The following DCUN1D2 variants were observed in gnomAD, a reference collection of about 807,000 sequenced individuals.
DCUN1D2 encodes defective in cullin neddylation 1 domain containing 2.
In DCUN1D2, 29 loss-of-function variants were observed where a neutral mutation model predicts 30.9. The ratio of observed to expected loss-of-function variants is 0.94; its 90% CI spans 0.70 to 1.28. The LOEUF is 1.28. Ranked by LOEUF, DCUN1D2 falls within the 50% of genes most tolerant of loss-of-function variation. The probability of loss-of-function intolerance (pLI) is 0.00; values close to 1 mark genes in which losing one functional copy is unlikely to be tolerated. For missense variants in DCUN1D2, 325 were observed against 316.9 expected, an observed-to-expected ratio of 1.03 and a Z score of -0.19; for synonymous variants, 121 against 115.3, an observed-to-expected ratio of 1.05 and a Z score of -0.32.
chr13:113,470,486 C>T lies in DCUN1D2; in HGVS notation c.520+3638G>A, dbSNP rs1037319830. Among the ~76,000 whole-genome samples the T allele has an allele frequency of 1.2e-4, 18 of 152,192 alleles. 1 individual carries two copies. The highest frequency in any genetic ancestry group is 1.2e-3 in the Admixed American group (18 of 15,280). ...ACAGATAAAAAGGACTGAGAGAAAG[C>T]AACGCACACTGCCGAAGACTTAACT... On this transcript the variant is annotated intron_variant, in intron 4 of 6. Coordinates refer to ENST00000478244, the MANE Select transcript of DCUN1D2 (RefSeq NM_001014283.2).
chr13:113,469,497 C>G lies in DCUN1D2; in HGVS notation c.520+4627G>C, dbSNP rs760932778. 7.2e-5 allele frequency among the ~76,000 whole-genome samples: 11 copies of G among 151,902 alleles called. No individual in the cohort carries two copies. In the East Asian group the frequency reaches 1.9e-3, roughly 27 times the overall value. On this transcript the variant is annotated intron_variant, in intron 4 of 6. Transcript: ENST00000478244. ...CAGTTTGAGACCAGCCCGGGCAACA[C>G]AGTAAAACTCCGTCCCTCCAAAAAA...
At chr13:113,486,046 T>C (rs2044797122) in intron 1 of DCUN1D2, among the ~76,000 whole-genome samples, 1 of 152,148 alleles carries the variant, frequency 6.6e-6, no homozygotes, top group Admixed American at 6.5e-5. Flanking sequence ...TCTAATATGG[T>C]CAATATTGAT....
upstream of DCUN1D2, chr13:113,490,941 C>T: frequency 4.7e-6 from 1 of 213,494 alleles, no homozygotes; most frequent in African/African-American, 2.3e-5. The surrounding 1 kb of genome is among the most constrained non-coding windows in gnomAD (Gnocchi z 5.2). Context: ...CCCACGCCGG[C>T]CAGGAAGTGC....
At chr13:113,489,210 G>A in intron 1 of DCUN1D2, 1 of 939,958 alleles carries the variant, frequency 1.1e-6, no homozygotes, top group Non-Finnish European at 1.3e-6. Flanking sequence ...CCCTGCTCTT[G>A]GATCTCCAAC....
At chr13:113,487,367 C>T (rs1011690197) in intron 1 of DCUN1D2, among the ~76,000 whole-genome samples, 1 of 152,186 alleles carries the variant, frequency 6.6e-6, no homozygotes, top group African/African-American at 2.4e-5. Context: ...ATCCATATAA[C>T]GGAACATAAT....
chr13:113,483,792 G>A (rs41288602), intron 2 of DCUN1D2, 48 bp downstream of exon 2: 133,451 of 1,579,350 alleles, frequency 0.084, 8,762 homozygotes, highest in Admixed American at 0.34. Flanking sequence ...CGCGCAGGCC[G>A]CTCGCGGAGG....
rs543176570 is a variant in DCUN1D2, at chr13:113,464,745, A to C, written c.521-3609T>G. Among the ~76,000 whole-genome samples the C allele has an allele frequency of 9.2e-5, 14 of 152,380 alleles. No homozygotes were observed. In the East Asian group the frequency reaches 2.7e-3, roughly 29 times the overall value. On this transcript the variant is annotated intron_variant, in intron 4 of 6. Transcript: ENST00000478244. ...GCAGCACGGATGGAAGAGAAAGGCC[A>C]CTCAGCAGAATCTGCCCAAGTTCCT... is the stretch of plus-strand genomic sequence containing the variant.
chr13:113,476,044 T>A (rs375008446), intron 3 of DCUN1D2: 2 of 152,286 alleles, frequency 1.3e-5, no homozygotes, highest in African/African-American at 4.8e-5. Flanking sequence ...TTCCTGTGGG[T>A]ATGCATGGCT....
intron 4 of DCUN1D2, among the ~76,000 whole-genome samples, chr13:113,467,841 C>T (rs1043607558): frequency 9.2e-5 from 14 of 151,668 alleles, no homozygotes; most frequent in East Asian, 3.9e-4. Flanking sequence ...GTCAGGAGTT[C>T]GAGACCAGCC....
rs1244396336 is a variant in DCUN1D2, at chr13:113,488,892, GT to G, written c.3+1774del. On this transcript the variant is annotated intron_variant, in intron 1 of 6. Transcript: ENST00000478244. The surrounding 1 kb of genome is among the most constrained non-coding windows in gnomAD (Gnocchi z 4.3). ...GCATTTTCTAGGTTTCATTATTTCT[GT>G]TAAAATGTACACAATTCTTGAAATA... 5.9e-5 allele frequency among the ~76,000 whole-genome samples: 9 copies of G among 152,136 alleles called. No homozygotes were observed. Among genetic ancestry groups the G allele is most frequent in the Non-Finnish European group, 1.2e-4 (8 of 68,018 alleles).
intron 6 of DCUN1D2, among the ~76,000 whole-genome samples, 199 bp downstream of exon 6, chr13:113,459,113 T>C (rs1231778010): frequency 6.6e-6 from 1 of 152,204 alleles, no homozygotes; most frequent in East Asian, 1.9e-4. Context: ...TGCTTTGGCT[T>C]AGAGGACTGT....
chr13:113,474,724 C>T (rs973597477), intron 3 of DCUN1D2, among the ~76,000 whole-genome samples: 5 of 152,046 alleles, frequency 3.3e-5, no homozygotes, highest in Admixed American at 3.3e-4. Context: ...ATGGCAGAGA[C>T]GAGGTAATGG....
chr13:113,474,425 A>G (rs978805561), intron 3 of DCUN1D2, among the ~76,000 whole-genome samples, 171 bp from the exon 4 acceptor site: 4 of 152,148 alleles, frequency 2.6e-5, no homozygotes, highest in Non-Finnish European at 5.9e-5. Context: ...GTAAGAGAAG[A>G]TGGGGGGGCA....
At chr13:113,466,115 G>A (rs1296317115) in intron 4 of DCUN1D2, among the ~76,000 whole-genome samples, 1 of 152,116 alleles carries the variant, frequency 6.6e-6, no homozygotes, top group Non-Finnish European at 1.5e-5. Context: ...TCGAACTCCT[G>A]ACCTCAAGTG....
At chr13:113,478,190 T>C (rs942311543) in intron 3 of DCUN1D2, among the ~76,000 whole-genome samples, 3 of 152,224 alleles carry the variant, frequency 2.0e-5, no homozygotes, top group Non-Finnish European at 2.9e-5. Flanking sequence ...AGTTGTCTCT[T>C]TGAGAAGATT....
rs575674589 is a variant in DCUN1D2, at chr13:113,469,420, C to T, written c.520+4704G>A. Among the ~76,000 whole-genome samples the T allele has an allele frequency of 9.2e-5, 14 of 152,314 alleles. No homozygotes were observed. In the South Asian group the frequency reaches 2.9e-3, roughly 32 times the overall value. On this transcript the variant is annotated intron_variant, in intron 4 of 6. Transcript: ENST00000478244. ...CTTCAGCTGAAACCATGGCTCACGC[C>T]TGTAATCCCAGCACTTTGGGAGCCT...
intron 3 of DCUN1D2, 68 bp downstream of exon 3, chr13:113,480,507 T>C: frequency 6.4e-7 from 1 of 1,559,242 alleles, no homozygotes; most frequent in South Asian, 1.1e-5. Context: ...TATGTACAGG[T>C]TGCTGAAAAA....
chr13:113,463,044 A>T (rs1345827965), intron 4 of DCUN1D2: 1 of 221,428 alleles, frequency 4.5e-6, no homozygotes, highest in Non-Finnish European at 8.4e-6. Context: ...TTCAATATTT[A>T]TTATTATTTA....
rs14067 is a variant in DCUN1D2, at chr13:113,456,345, A to G, written c.*1684T>C. ...CCTCTGTGACCATCTCTGCTAAGAAACATCGACAGTTCGTCCTGCAGCCTC... is the reference window on the plus strand; with the variant it reads ...CCTCTGTGACCATCTCTGCTAAGAAGCATCGACAGTTCGTCCTGCAGCCTC... On this transcript the variant is annotated 3_prime_UTR_variant, in exon 7 of 7. Transcript: ENST00000478244. 0.39 allele frequency: 156,347 copies of G among 398,552 alleles called. 35,397 individuals carry two copies. The highest frequency in any genetic ancestry group is 0.78 in the African/African-American group (37,760 of 48,692). 24.7% of individuals were successfully genotyped at this position (398,552 alleles called of 1,614,324 possible).
Sources: allele counts gnomAD v4.1 joint callset (sites outside exome capture counted in the v4.1 genomes callset), GRCh38; gene constraint gnomAD v4.1.1; non-coding constraint Gnocchi (gnomAD v3.1); transcripts MANE v1.5; gene names NCBI Gene and HGNC (gene_info 2026-07-23, HGNC 2026-07-21).